The following ZNF804B variants were observed in gnomAD, a reference collection of about 807,000 sequenced individuals.
ZNF804B encodes the protein zinc finger protein 804B, also known as zinc finger 804B.
In ZNF804B, 80 loss-of-function variants were observed where a neutral mutation model predicts 101.4. The observed-to-expected ratio is 0.79, with a 90% CI of 0.66 to 0.95. The LOEUF (loss-of-function observed/expected upper bound fraction) is 0.95, where lower values mean the gene tolerates loss of function less well. Ranked by LOEUF, ZNF804B falls within the 40% of genes least tolerant of loss-of-function variation. The probability of loss-of-function intolerance (pLI) is 0.00; values close to 1 mark genes in which losing one functional copy is unlikely to be tolerated. For missense variants in ZNF804B, 1,673 were observed against 1,561.9 expected, an observed-to-expected ratio of 1.07 and a Z score of -1.20; for synonymous variants, 622 against 558.8, an observed-to-expected ratio of 1.11 and a Z score of -1.59.
At chr7:89,122,215 C>T (rs1399920108) in intron 1 of ZNF804B, among the ~76,000 whole-genome samples, 5 of 152,064 alleles carry the variant, frequency 3.3e-5, no homozygotes, top group Non-Finnish European at 7.4e-5. Flanking sequence ...TTTAAAGAAA[C>T]TCAAGAATAT....
At chr7:89,055,102 G>A (rs958201106) in intron 1 of ZNF804B, among the ~76,000 whole-genome samples, 5 of 152,088 alleles carry the variant, frequency 3.3e-5, no homozygotes, top group African/African-American at 1.2e-4. Flanking sequence ...GACTTAGATT[G>A]ACTGGCTATG....
intron 2 of ZNF804B, among the ~76,000 whole-genome samples, chr7:89,288,242 C>T (rs929539): frequency 0.23 from 34,408 of 151,472 alleles, 4,243 homozygotes; most frequent in Non-Finnish European, 0.27. Context: ...TGGAAAGAAC[C>T]GATAAGAATA....
At chr7:89,134,942 G>A (rs13246747) in intron 1 of ZNF804B, among the ~76,000 whole-genome samples, 17,705 of 151,840 alleles carry the variant, frequency 0.12, 2,201 homozygotes, top group African/African-American at 0.32. Context: ...CAGTTTTATT[G>A]CATTGACCTT....
At chr7:88,794,942 T>C (rs200123541) in intron 1 of ZNF804B, 1 of 1,559,886 alleles carries the variant, frequency 6.4e-7, no homozygotes, top group East Asian at 2.2e-5. Flanking sequence ...GAAAAGGACA[T>C]GAGGAGTCTT....
In ZNF804B at chr7:89,285,228, AAAG is replaced by A. The variant is rs377120895; in HGVS notation, c.250-42110_250-42108del. On this transcript the variant is annotated intron_variant, in intron 2 of 3. Coordinates refer to ENST00000333190, the MANE Select transcript of ZNF804B (RefSeq NM_181646.5). ...AGCAAGACCCTGTCACAAAAAAATA[AAAG>A]AAGAAAATAGGCTGGGCACGGTGGC... 1.3e-3 allele frequency among the ~76,000 whole-genome samples: 202 copies of A among 151,882 alleles called. 1 individual carries two copies. The highest frequency in any genetic ancestry group is 4.6e-3 in the African/African-American group (192 of 41,426).
intron 3 of ZNF804B, 120 bp downstream of exon 3, chr7:89,327,594 G>A: frequency 7.7e-7 from 1 of 1,306,176 alleles, no homozygotes; most frequent in East Asian, 2.7e-5. Context: ...TATGTCTGAA[G>A]GGCAAATATA....
At chr7:89,171,289 CT>C (rs1791223490) in intron 1 of ZNF804B, among the ~76,000 whole-genome samples, 1 of 25,220 alleles carries the variant, frequency 4.0e-5, no homozygotes, top group East Asian at 1.6e-3. Context: ...GCTGCTGCTG[CT>C]TCTTCTTCTT....
intron 1 of ZNF804B, among the ~76,000 whole-genome samples, chr7:89,215,676 G>A (rs1022740266): frequency 2.0e-5 from 3 of 151,718 alleles, no homozygotes; most frequent in Admixed American, 6.6e-5. Context: ...GAGGTCCGGA[G>A]ATCAAGACCA....
chr7:88,928,652 G>A (rs188413080), intron 1 of ZNF804B, among the ~76,000 whole-genome samples: 222 of 152,250 alleles, frequency 1.5e-3, no homozygotes, highest in Non-Finnish European at 2.2e-3. Context: ...AATTTCTGAA[G>A]TATTCTTTCT....
At chr7:88,853,324 T>C (rs1791473224) in intron 1 of ZNF804B, among the ~76,000 whole-genome samples, 1 of 152,084 alleles carries the variant, frequency 6.6e-6, no homozygotes, top group Non-Finnish European at 1.5e-5. Flanking sequence ...GGAAGCAGAG[T>C]TAACAGAGTT....
chr7:89,329,077 A>C (rs1355305049), intron 3 of ZNF804B, among the ~76,000 whole-genome samples: 1 of 151,726 alleles, frequency 6.6e-6, no homozygotes, highest in Non-Finnish European at 1.5e-5. Flanking sequence ...TTCAAATAAA[A>C]AGGTCCACTC....
intron 1 of ZNF804B, among the ~76,000 whole-genome samples, chr7:89,084,685 A>G (rs28505021): frequency 3.0e-4 from 46 of 152,094 alleles, no homozygotes; most frequent in African/African-American, 1.1e-3. Flanking sequence ...CTTAATGTCT[A>G]TAAATGTCTT....
intron 1 of ZNF804B, among the ~76,000 whole-genome samples, chr7:88,854,527 T>TTCCCTTCCC (rs1554340248): frequency 1.0e-4 from 4 of 40,072 alleles, no homozygotes; most frequent in African/African-American, 4.2e-4. Context: ...CTTTCCTTCC[T>TTCCCTTCCC]TTCCTTCCTT....
chr7:88,877,304 C>T (rs1791968978), intron 1 of ZNF804B, among the ~76,000 whole-genome samples: 1 of 151,430 alleles, frequency 6.6e-6, no homozygotes, highest in Non-Finnish European at 1.5e-5. Flanking sequence ...TTCTCACTCT[C>T]TCTCAGCATT....
At chr7:88,795,735 C>T (rs1388119743) in intron 1 of ZNF804B, 1 of 152,114 alleles carries the variant, frequency 6.6e-6, no homozygotes, top group Non-Finnish European at 1.5e-5. Context: ...CTCTGGTGTT[C>T]TCAGCTGTCC....
intron 1 of ZNF804B, among the ~76,000 whole-genome samples, chr7:88,943,956 A>G (rs1347530636): frequency 3.3e-5 from 5 of 151,944 alleles, no homozygotes; most frequent in Admixed American, 2.6e-4. Flanking sequence ...TTATAACTGA[A>G]TAGTATTGCA....
intron 1 of ZNF804B, among the ~76,000 whole-genome samples, chr7:88,809,343 CTATCTAT>C (rs1562799788): frequency 6.8e-6 from 1 of 147,260 alleles, no homozygotes; most frequent in Non-Finnish European, 1.5e-5. Flanking sequence ...ATCTATCTAT[CTATCTAT>C]CTATCTACCT....
intron 2 of ZNF804B, among the ~76,000 whole-genome samples, chr7:89,281,948 A>G (rs989290617): frequency 5.3e-5 from 8 of 152,174 alleles, no homozygotes; most frequent in Non-Finnish European, 1.2e-4. Context: ...GCCTAAAACA[A>G]TGTAACCTTT....
chr7:89,285,901 C>T (rs1257491744), intron 2 of ZNF804B, among the ~76,000 whole-genome samples: 1 of 142,950 alleles, frequency 7.0e-6, no homozygotes, highest in Non-Finnish European at 1.5e-5. Flanking sequence ...CCTGAGACAG[C>T]AATACCAATC....
Sources: gnomAD v4.1 joint callset for allele counts (sites outside exome capture counted in the v4.1 genomes callset) on GRCh38, gnomAD v4.1.1 for gene constraint, MANE v1.5 for transcripts, NCBI Gene and HGNC (gene_info 2026-07-23, HGNC 2026-07-21) for gene names.